CDKAL1: variants seen among roughly 807,000 people sequenced by gnomAD.
The protein encoded by CDKAL1 is CDKAL1 threonylcarbamoyladenosine tRNA methylthiotransferase, also known as threonylcarbamoyladenosine tRNA methylthiotransferase.
In CDKAL1, 32 loss-of-function variants were observed where a neutral mutation model predicts 68.2. The ratio of observed to expected loss-of-function variants is 0.47; its 90% CI spans 0.35 to 0.63. CDKAL1 has a LOEUF of 0.63. Among genes scored for constraint, CDKAL1 ranks in the 30% least tolerant of loss-of-function variants. CDKAL1 has a pLI of 0.00. For synonymous variants in CDKAL1, 234 were observed against 244.3 expected (o/e 0.96, Z 0.39); for missense variants, 606 against 696.7 (o/e 0.87, Z 1.47).
chr6:20,823,289 A>C lies in CDKAL1; in HGVS notation c.639-22786A>C, dbSNP rs143074775. Among the ~76,000 whole-genome samples the C allele has an allele frequency of 2.0e-3, 305 of 152,220 alleles. 2 individuals are homozygous for C. The highest frequency in any genetic ancestry group is 7.1e-3 in the African/African-American group (294 of 41,552). ...TTTGGCCATTCATATGGTCCTTGTCATGTTTCCTTACAGTTACCTGTGCAT... is the reference window on the plus strand; with the variant it reads ...TTTGGCCATTCATATGGTCCTTGTCCTGTTTCCTTACAGTTACCTGTGCAT... On this transcript the variant is annotated intron_variant, in intron 8 of 15. Transcript: ENST00000274695.
Position 21,167,555 on chromosome 6 carries a change from A to G in CDKAL1, c.1300-30466A>G, listed in dbSNP as rs940881180. On this transcript the variant is annotated intron_variant, in intron 13 of 15. Coordinates refer to ENST00000274695, the MANE Select transcript of CDKAL1 (RefSeq NM_017774.3). Reference sequence around the variant, plus strand: ...GGACCTACTGTGGTCAAGAATACACACTCTCGTTCACATCAAATTGATGGC... The same window carrying G: ...GGACCTACTGTGGTCAAGAATACACGCTCTCGTTCACATCAAATTGATGGC... Among the ~76,000 whole-genome samples the G allele has an allele frequency of 2.0e-5, 3 of 152,224 alleles. No homozygotes were observed. The East Asian group carries it at 5.8e-4, about 29-fold the overall frequency.
intron 5 of CDKAL1, among the ~76,000 whole-genome samples, chr6:20,674,034 C>G (rs1769974660): frequency 6.6e-6 from 1 of 152,064 alleles, no homozygotes; most frequent in Non-Finnish European, 1.5e-5. Context: ...ATTTTGACCT[C>G]TAACTGGTTA....
intron 5 of CDKAL1, among the ~76,000 whole-genome samples, chr6:20,713,753 T>C (rs940179914): frequency 1.3e-5 from 2 of 152,124 alleles, no homozygotes; most frequent in East Asian, 1.9e-4. Flanking sequence ...TACTTAACAA[T>C]TGACATAGAA....
intron 8 of CDKAL1, among the ~76,000 whole-genome samples, chr6:20,806,337 T>C (rs1435865429): frequency 6.6e-6 from 1 of 152,224 alleles, no homozygotes; most frequent in African/African-American, 2.4e-5. Context: ...TTTTATGGCT[T>C]TGTAGTATTC....
At chr6:20,938,888 T>C (rs141873005) in intron 9 of CDKAL1, among the ~76,000 whole-genome samples, 4 of 152,184 alleles carry the variant, frequency 2.6e-5, no homozygotes, top group African/African-American at 7.2e-5. Context: ...TACTTTCTTA[T>C]GTTCTTTTCT....
At chr6:20,810,461 G>A (rs971495924) in intron 8 of CDKAL1, among the ~76,000 whole-genome samples, 13 of 141,804 alleles carry the variant, frequency 9.2e-5, no homozygotes, top group East Asian at 2.2e-4. Flanking sequence ...GTCATGTTAC[G>A]CACCTGTTGC....
intron 15 of CDKAL1, among the ~76,000 whole-genome samples, chr6:21,222,598 G>A (rs1562128445): frequency 2.0e-5 from 3 of 152,276 alleles, no homozygotes; most frequent in South Asian, 2.1e-4. Context: ...ATATTAAAGA[G>A]CTCCCAATTT....
At chr6:20,550,603 C>T (rs940047015) in intron 4 of CDKAL1, among the ~76,000 whole-genome samples, 7 of 152,142 alleles carry the variant, frequency 4.6e-5, no homozygotes, top group South Asian at 4.2e-4. Flanking sequence ...TATGCTTGCT[C>T]GTTGCCACCG....
chr6:21,038,827 A>T (rs115000165), intron 11 of CDKAL1, among the ~76,000 whole-genome samples: 1,600 of 152,288 alleles, frequency 0.011, 31 homozygotes, highest in African/African-American at 0.037. Flanking sequence ...CCAGTGTATA[A>T]GGCTTTTTTC....
intron 4 of CDKAL1, among the ~76,000 whole-genome samples, chr6:20,639,796 G>A (rs181226505): frequency 2.7e-4 from 41 of 152,152 alleles, no homozygotes; most frequent in African/African-American, 9.4e-4. Context: ...TCAGCCTCCC[G>A]AGTAGCTGGG....
intron 9 of CDKAL1, among the ~76,000 whole-genome samples, chr6:20,896,291 G>T (rs1026753225): frequency 2.0e-5 from 3 of 151,702 alleles, no homozygotes; most frequent in Admixed American, 2.0e-4. Context: ...GTAAAGACGG[G>T]GTTTCACCGT....
chr6:20,884,002 G>A lies in CDKAL1; in HGVS notation c.742+37824G>A, dbSNP rs891042824. ...CATTCTCTGAGGTCAGCATACCAAA[G>A]CTAGATAAAGATATCAGAAGAAAAG... is the stretch of plus-strand genomic sequence containing the variant. On this transcript the variant is annotated intron_variant, in intron 9 of 15. Transcript: ENST00000274695. 3.9e-5 allele frequency among the ~76,000 whole-genome samples: 6 copies of A among 152,202 alleles called. No individual in the cohort carries two copies. In the East Asian group the frequency reaches 5.8e-4, roughly 15 times the overall value.
intron 9 of CDKAL1, among the ~76,000 whole-genome samples, chr6:20,895,965 A>G (rs1033180141): frequency 6.6e-6 from 1 of 152,116 alleles, no homozygotes; most frequent in African/African-American, 2.4e-5. Flanking sequence ...GGTCTCCAAC[A>G]TTATTAGGAA....
intron 8 of CDKAL1, among the ~76,000 whole-genome samples, chr6:20,784,171 C>T (rs889171201): frequency 1.0e-4 from 15 of 150,646 alleles, no homozygotes; most frequent in South Asian, 8.5e-4. Flanking sequence ...TGAGATCGTG[C>T]CACTAAACTC....
At chr6:21,160,291 TTTTTTTTC>T (rs1303940236) in intron 13 of CDKAL1, among the ~76,000 whole-genome samples, 4 of 151,690 alleles carry the variant, frequency 2.6e-5, no homozygotes, top group African/African-American at 7.3e-5. Context: ...AAAGATTTTC[TTTTTTTTC>T]TTTTTTTCTT....
At chr6:20,569,283 A>G (rs1764603493) in intron 4 of CDKAL1, among the ~76,000 whole-genome samples, 1 of 152,198 alleles carries the variant, frequency 6.6e-6, no homozygotes, top group South Asian at 2.1e-4. Context: ...TTTGTGATTC[A>G]TGGGCACTGT....
chr6:20,907,800 G>A (rs1762297178), intron 9 of CDKAL1, among the ~76,000 whole-genome samples: 1 of 152,174 alleles, frequency 6.6e-6, no homozygotes, highest in South Asian at 2.1e-4. Context: ...GGAAGGTCCT[G>A]GAGGGCCTTG....
intron 10 of CDKAL1, among the ~76,000 whole-genome samples, chr6:20,974,759 G>T (rs953527702): frequency 8.6e-5 from 13 of 150,690 alleles, no homozygotes; most frequent in Admixed American, 6.6e-4. Flanking sequence ...CTGACAGATT[G>T]CTTGAGCTCA....
At chr6:20,743,480 A>T (rs1227781646) in intron 6 of CDKAL1, among the ~76,000 whole-genome samples, 1 of 152,210 alleles carries the variant, frequency 6.6e-6, no homozygotes, top group Admixed American at 6.5e-5. Context: ...ATTTAAGAAG[A>T]TATTAATAGA....
Sources: allele counts gnomAD v4.1 joint callset (sites outside exome capture counted in the v4.1 genomes callset), GRCh38; gene constraint gnomAD v4.1.1; transcripts MANE v1.5; gene names NCBI Gene and HGNC (gene_info 2026-07-23, HGNC 2026-07-21).